The following MEI4 variants were observed in gnomAD, a reference collection of about 807,000 sequenced individuals.
MEI4 encodes the protein meiotic double-stranded break formation protein 4, also known as meiosis-specific protein MEI4.
MEI4 carries 27 observed loss-of-function variants against 31.4 expected under a neutral mutation model. The ratio of observed to expected loss-of-function variants is 0.86; its 90% CI spans 0.63 to 1.19. The LOEUF (loss-of-function observed/expected upper bound fraction) is 1.19. Ranked by LOEUF, MEI4 falls within the 50% of genes most tolerant of loss-of-function variation. The pLI is 0.00. For missense variants in MEI4, 329 were observed against 398.9 expected (o/e 0.82, Z 1.49); for synonymous variants, 122 against 145.4 (o/e 0.84, Z 1.16).
intron 3 of MEI4, among the ~76,000 whole-genome samples, chr6:77,775,493 G>A (rs571663447): frequency 4.5e-4 from 68 of 152,234 alleles, no homozygotes; most frequent in African/African-American, 1.6e-3. Context: ...TACCATCCAG[G>A]TTGATGTGAA....
At chr6:77,871,329 T>C (rs888955351) in intron 4 of MEI4, among the ~76,000 whole-genome samples, 1 of 152,204 alleles carries the variant, frequency 6.6e-6, no homozygotes, top group Admixed American at 6.6e-5. Flanking sequence ...AAAAAAGATA[T>C]TTGAGAAAAT....
At chr6:77,731,721 A>G (rs187297617) in intron 2 of MEI4, among the ~76,000 whole-genome samples, 29,798 of 150,878 alleles carry the variant, frequency 0.2, 3,292 homozygotes, top group African/African-American at 0.28. Flanking sequence ...TGTCCTGAAT[A>G]GTAATGCTTA....
At chr6:77,710,539 A>AAAAAAAAAAAAG (rs1561953994) in intron 2 of MEI4, among the ~76,000 whole-genome samples, 4 of 120,728 alleles carry the variant, frequency 3.3e-5, no homozygotes, top group Non-Finnish European at 3.4e-5. Context: ...AAAAAAAAAA[A>AAAAAAAAAAAAG]AAAGAAAAGG....
At chr6:77,919,194 C>T (rs1766641184) in intron 4 of MEI4, among the ~76,000 whole-genome samples, 1 of 151,974 alleles carries the variant, frequency 6.6e-6, no homozygotes, top group Admixed American at 6.6e-5. Flanking sequence ...ACAGAATATA[C>T]ATTTTTTTCA....
At chr6:77,902,284 A>G (rs1766201655) in intron 4 of MEI4, among the ~76,000 whole-genome samples, 1 of 152,060 alleles carries the variant, frequency 6.6e-6, no homozygotes, top group Non-Finnish European at 1.5e-5. Context: ...TTGAATCTGT[A>G]TATTATTTTG....
At chr6:77,696,750 G>C (rs1170798633) in intron 2 of MEI4, among the ~76,000 whole-genome samples, 3 of 150,668 alleles carry the variant, frequency 2.0e-5, no homozygotes, top group South Asian at 4.2e-4. Flanking sequence ...TCTCTGCCAG[G>C]CTTTGGTATC....
chr6:77,925,923 A>G lies in MEI4; in HGVS notation c.*2577A>G, dbSNP rs1006636739. The G allele has an allele frequency of 7.4e-5, 11 of 148,718 alleles. No homozygotes were observed. Among genetic ancestry groups the G allele is most frequent in the Admixed American group, 6.0e-4 (9 of 14,884 alleles). 9.2% of individuals were successfully genotyped at this position (148,718 alleles called of 1,614,324 possible). ...CTTACCTAAGCATTTTACATATATT[A>G]AACTGTTTGATTCTCCCAGCACCTG... On this transcript the variant is annotated 3_prime_UTR_variant, in exon 5 of 5. Transcript: ENST00000684080.
At chr6:77,696,559 GA>G (rs1766050845) in intron 2 of MEI4, among the ~76,000 whole-genome samples, 1 of 151,426 alleles carries the variant, frequency 6.6e-6, no homozygotes, top group Non-Finnish European at 1.5e-5. Flanking sequence ...TTATATGCTG[GA>G]TTACATTTAT....
chr6:77,800,309 T>A (rs907609470), intron 3 of MEI4, among the ~76,000 whole-genome samples: 3 of 152,176 alleles, frequency 2.0e-5, no homozygotes, highest in Non-Finnish European at 4.4e-5. Context: ...CTGTTCTTGG[T>A]GTATAAGAAT....
chr6:77,700,597 C>G (rs541594109), intron 2 of MEI4, among the ~76,000 whole-genome samples: 4 of 152,350 alleles, frequency 2.6e-5, no homozygotes, highest in Admixed American at 2.6e-4. Flanking sequence ...GCTGCACCCA[C>G]TGTCCTGCAC....
chr6:77,914,691 T>C (rs1262251565), intron 4 of MEI4, among the ~76,000 whole-genome samples: 1 of 152,132 alleles, frequency 6.6e-6, no homozygotes, highest in East Asian at 1.9e-4. Context: ...TCCCAACTAT[T>C]AGAGTATTGT....
intron 3 of MEI4, among the ~76,000 whole-genome samples, chr6:77,804,250 A>G (rs947431613): frequency 1.3e-5 from 2 of 151,434 alleles, no homozygotes; most frequent in Admixed American, 6.6e-5. Context: ...CAAGACTCTG[A>G]GCCATGTACG....
At chr6:77,789,495 C>G (rs887544863) in intron 3 of MEI4, among the ~76,000 whole-genome samples, 1 of 152,154 alleles carries the variant, frequency 6.6e-6, no homozygotes, top group East Asian at 1.9e-4. Context: ...AAAATTTTTG[C>G]AATCTACTCA....
At chr6:77,905,109 G>A (rs1164796598) in intron 4 of MEI4, among the ~76,000 whole-genome samples, 5 of 151,872 alleles carry the variant, frequency 3.3e-5, no homozygotes, top group Non-Finnish European at 5.9e-5. Context: ...ACTTTTGTCT[G>A]GGGAAGTCTT....
intron 2 of MEI4, among the ~76,000 whole-genome samples, chr6:77,694,224 C>A (rs1002158643): frequency 7.9e-5 from 12 of 151,642 alleles, no homozygotes; most frequent in African/African-American, 2.7e-4. Flanking sequence ...GGTGCCTGGG[C>A]AGCCGCGTTT....
intron 2 of MEI4, among the ~76,000 whole-genome samples, chr6:77,731,808 A>G (rs62419087): frequency 6.6e-6 from 1 of 151,822 alleles, no homozygotes; most frequent in Non-Finnish European, 1.5e-5. Flanking sequence ...TTTTTGTATA[A>G]GGTGTAAGGA....
intron 4 of MEI4, among the ~76,000 whole-genome samples, chr6:77,922,656 T>A (rs1766731320): frequency 6.6e-6 from 1 of 151,736 alleles, no homozygotes; most frequent in Admixed American, 6.6e-5. Context: ...AGATTCAGTA[T>A]GATATCACAT....
rs148754409 is a variant in MEI4, at chr6:77,903,577, T to C, written c.901-19512T>C. Among the ~76,000 whole-genome samples the C allele has an allele frequency of 1.7e-3, 257 of 152,280 alleles. 2 individuals carry two copies. Among genetic ancestry groups the C allele is most frequent in the African/African-American group, 5.8e-3 (242 of 41,584 alleles). ...TGAGGAACATCTGTACTATGTTGAA[T>C]GCAAGTGGAAAGAGTGGGTATCCTT... On this transcript the variant is annotated intron_variant, in intron 4 of 4. Transcript: ENST00000684080.
At chr6:77,869,873 T>C (rs1341444904) in intron 4 of MEI4, among the ~76,000 whole-genome samples, 1 of 152,162 alleles carries the variant, frequency 6.6e-6, no homozygotes, top group African/African-American at 2.4e-5. Context: ...CGAGAGTGGC[T>C]GATTGGATGG....
Sources: gnomAD v4.1 joint callset for allele counts (sites outside exome capture counted in the v4.1 genomes callset) on GRCh38, gnomAD v4.1.1 for gene constraint, MANE v1.5 for transcripts, NCBI Gene and HGNC (gene_info 2026-07-23, HGNC 2026-07-21) for gene names.